The following SNX29 variants were observed in gnomAD, a reference collection of about 807,000 sequenced individuals.
SNX29 encodes sorting nexin-29.
SNX29 carries 78 observed loss-of-function variants against 102.1 expected under a neutral mutation model. That is an observed-to-expected ratio of 0.76 (90% CI 0.64 to 0.92). The LOEUF is 0.92. Among genes scored for constraint, SNX29 ranks in the 40% least tolerant of loss-of-function variants. SNX29 has a pLI of 0.00. For missense variants in SNX29, 1,280 were observed against 1,061.7 expected (o/e 1.21, Z -2.86); for synonymous variants, 580 against 414.5 (o/e 1.40, Z -4.85).
At chr16:12,324,918 C>A (rs1380651286) in intron 15 of SNX29, among the ~76,000 whole-genome samples, 1 of 152,146 alleles carries the variant, frequency 6.6e-6, no homozygotes, top group East Asian at 1.9e-4. Context: ...ACAATAAAAA[C>A]AGCGTTTCAA....
Position 12,028,058 on chromosome 16 carries a change from A to G in SNX29, c.247+614A>G, listed in dbSNP as rs868596145. Among the ~76,000 whole-genome samples the G allele has an allele frequency of 9.3e-4, 142 of 152,344 alleles. 1 individual carries two copies. The highest frequency in any genetic ancestry group is 2.8e-3 in the African/African-American group (118 of 41,586). On this transcript the variant is annotated intron_variant, in intron 4 of 20. Coordinates refer to ENST00000566228, the MANE Select transcript of SNX29 (RefSeq NM_032167.5). ...GATCTGCTTTGGAGCTGAACCTTGA[A>G]GTGGATCATGTCATGTAACAAATGT...
At chr16:12,036,621 A>C (rs1338724385) in intron 4 of SNX29, among the ~76,000 whole-genome samples, 2 of 150,756 alleles carry the variant, frequency 1.3e-5, no homozygotes, top group African/African-American at 4.9e-5. Context: ...GGCGTGAGCC[A>C]CCGCGCCCAG....
At chr16:12,310,211 G>A (rs1726117264) in intron 15 of SNX29, among the ~76,000 whole-genome samples, 1 of 152,214 alleles carries the variant, frequency 6.6e-6, no homozygotes, top group Non-Finnish European at 1.5e-5. Flanking sequence ...GATCATACAT[G>A]CATTGCATTA....
chr16:12,545,633 C>T (rs928678352), intron 20 of SNX29: 1 of 152,182 alleles, frequency 6.6e-6, no homozygotes, highest in African/African-American at 2.4e-5. Flanking sequence ...CTCTTTTCTT[C>T]TGTTCTGAGT....
At chr16:12,074,309 G>T (rs534807230) in intron 10 of SNX29, among the ~76,000 whole-genome samples, 7 of 152,010 alleles carry the variant, frequency 4.6e-5, no homozygotes, top group Admixed American at 6.6e-5. Flanking sequence ...GGCTGGTACC[G>T]GTTGTGCCTT....
At chr16:12,541,308 C>G (rs866458414) in intron 20 of SNX29, among the ~76,000 whole-genome samples, 3 of 152,122 alleles carry the variant, frequency 2.0e-5, no homozygotes, top group African/African-American at 7.2e-5. Context: ...GGATGGTCAG[C>G]CCTGATGGAG....
At chr16:12,537,409 C>G (rs924797676) in intron 20 of SNX29, among the ~76,000 whole-genome samples, 1 of 152,228 alleles carries the variant, frequency 6.6e-6, no homozygotes, top group South Asian at 2.1e-4. Context: ...CAGACCTGGG[C>G]TCAAATTCCA....
intron 20 of SNX29, among the ~76,000 whole-genome samples, chr16:12,530,758 G>A (rs1027545457): frequency 3.4e-4 from 52 of 152,100 alleles, no homozygotes; most frequent in African/African-American, 1.2e-3. Context: ...GTTTCTTCAT[G>A]TTGGCCAGGA....
chr16:11,996,482 A>C (rs2056077192), intron 1 of SNX29, among the ~76,000 whole-genome samples: 1 of 152,220 alleles, frequency 6.6e-6, no homozygotes, highest in African/African-American at 2.4e-5. Flanking sequence ...AATTATCACT[A>C]GGGAGATGAA....
chr16:12,029,444 T>G (rs1214593618), intron 4 of SNX29, among the ~76,000 whole-genome samples: 1 of 152,146 alleles, frequency 6.6e-6, no homozygotes, highest in Non-Finnish European at 1.5e-5. Flanking sequence ...AGACTTGGCT[T>G]GCTGTCTTTG....
chr16:12,403,240 GT>G (rs1567527928), intron 17 of SNX29, among the ~76,000 whole-genome samples: 110 of 145,382 alleles, frequency 7.6e-4, no homozygotes, highest in Middle Eastern at 3.6e-3. Flanking sequence ...GTGTGTGTGT[GT>G]GTGTGTGTGT....
At chr16:12,340,560 C>T (rs1174601247) in intron 15 of SNX29, among the ~76,000 whole-genome samples, 1 of 152,114 alleles carries the variant, frequency 6.6e-6, no homozygotes, top group East Asian at 1.9e-4. Context: ...GTTCTGGAAA[C>T]GTTGGTCTGT....
At chr16:12,553,412 A>T (rs941168300) in intron 20 of SNX29, among the ~76,000 whole-genome samples, 11 of 152,162 alleles carry the variant, frequency 7.2e-5, no homozygotes, top group African/African-American at 2.7e-4. Context: ...TGGTGGTTGA[A>T]AACCAGGTCT....
intron 15 of SNX29, among the ~76,000 whole-genome samples, chr16:12,323,378 T>C (rs1406037578): frequency 6.6e-6 from 1 of 152,174 alleles, no homozygotes; most frequent in African/African-American, 2.4e-5. Flanking sequence ...TTTCTCTCAC[T>C]TTTTACCTAA....
intron 15 of SNX29, among the ~76,000 whole-genome samples, chr16:12,307,951 T>G (rs1217557964): frequency 6.6e-6 from 1 of 152,158 alleles, no homozygotes; most frequent in African/African-American, 2.4e-5. Context: ...GTTTGAGTTG[T>G]CTTCAGGACA....
chr16:12,041,740 G>C (rs1309606663), intron 4 of SNX29, among the ~76,000 whole-genome samples: 1 of 152,162 alleles, frequency 6.6e-6, no homozygotes, highest in Non-Finnish European at 1.5e-5. Context: ...GATTACGTCA[G>C]CCTCGCAGGG....
intron 18 of SNX29, among the ~76,000 whole-genome samples, chr16:12,424,177 C>T (rs1180037200): frequency 2.0e-5 from 3 of 152,208 alleles, no homozygotes; most frequent in African/African-American, 4.8e-5. Context: ...GGTAGCAGTG[C>T]AGCGACTTTC....
intron 16 of SNX29, among the ~76,000 whole-genome samples, chr16:12,370,057 C>A (rs138131498): frequency 6.6e-6 from 1 of 151,400 alleles, no homozygotes; most frequent in Admixed American, 6.6e-5. Context: ...CCTGTCTCTA[C>A]TAAAAATACG....
At chr16:12,403,366 G>T (rs1215067566) in intron 17 of SNX29, 82 bp from the exon 18 acceptor site, 13 of 1,387,866 alleles carry the variant, frequency 9.4e-6, no homozygotes, top group African/African-American at 2.9e-5. Flanking sequence ...GTAGAAAATT[G>T]TCTCCTTTCC....
Sources: gnomAD v4.1 joint callset for allele counts (sites outside exome capture counted in the v4.1 genomes callset) on GRCh38, gnomAD v4.1.1 for gene constraint, MANE v1.5 for transcripts, NCBI Gene and HGNC (gene_info 2026-07-23, HGNC 2026-07-21) for gene names.